Variants in SEMA3E observed in about 807,000 individuals in gnomAD.
SEMA3E encodes semaphorin 3E.
Under a neutral mutation model 93.6 loss-of-function variants are expected in SEMA3E, and 49 were observed. That is an observed-to-expected ratio of 0.52 (90% CI 0.42 to 0.66). SEMA3E has a LOEUF of 0.66. SEMA3E is among the 30% of genes least tolerant of loss of function. The probability of loss-of-function intolerance (pLI) is 0.00; values close to 1 mark genes in which losing one functional copy is unlikely to be tolerated. For synonymous variants in SEMA3E, 363 were observed against 330.7 expected (o/e 1.10, Z -1.06); for missense variants, 906 against 964.8 (o/e 0.94, Z 0.81).
In SEMA3E at chr7:83,434,064, G is replaced by T. The variant is rs553222821; in HGVS notation, c.457-15581C>A. Among the ~76,000 whole-genome samples, 67 of 151,972 alleles carry T rather than the reference G, an allele frequency of 4.4e-4. 1 individual carries two copies. The highest frequency in any genetic ancestry group is 1.5e-3 in the African/African-American group (61 of 41,472). ...ATTAGGTTGGTGCTAAATAACTGTAGTTTTACCATTACTTTTCATGGCAAA... is the reference window on the plus strand; with the variant it reads ...ATTAGGTTGGTGCTAAATAACTGTATTTTTACCATTACTTTTCATGGCAAA... On this transcript the variant is annotated intron_variant, in intron 4 of 16. Coordinates refer to ENST00000643230, the MANE Select transcript of SEMA3E (RefSeq NM_012431.3).
At chr7:83,517,331 C>G (rs1790950074) in intron 1 of SEMA3E, among the ~76,000 whole-genome samples, 1 of 152,116 alleles carries the variant, frequency 6.6e-6, no homozygotes, top group Non-Finnish European at 1.5e-5. Context: ...GAAGTACTGT[C>G]ACTTGGAGAG....
chr7:83,485,714 CAAG>C (rs907949338), intron 2 of SEMA3E, among the ~76,000 whole-genome samples: 1 of 151,546 alleles, frequency 6.6e-6, no homozygotes, highest in African/African-American at 2.4e-5. Flanking sequence ...AAAATGAAAA[CAAG>C]AAAGGGTAGT....
At chr7:83,372,414 T>C (rs1280193619) in intron 16 of SEMA3E, 22 of 395,454 alleles carry the variant, frequency 5.6e-5, no homozygotes, top group Non-Finnish European at 9.4e-5. Flanking sequence ...TTCCAGCATA[T>C]AGCAAGCAGT....
At chr7:83,505,778 T>G (rs183893979) in intron 1 of SEMA3E, among the ~76,000 whole-genome samples, 196 of 152,048 alleles carry the variant, frequency 1.3e-3, no homozygotes, top group Admixed American at 3.1e-3. Context: ...CACTTTGGGA[T>G]GCCAAGGGGG....
At chr7:83,627,628 C>CTTTTTTTTTTT (rs746550123) in intron 1 of SEMA3E, among the ~76,000 whole-genome samples, 71 of 65,342 alleles carry the variant, frequency 1.1e-3, no homozygotes, top group African/African-American at 1.5e-3. Flanking sequence ...GCAACCCCTG[C>CTTTTTTTTTTT]TTTTTTTTTT....
At chr7:83,460,067 A>G (rs983694133) in intron 4 of SEMA3E, among the ~76,000 whole-genome samples, 3 of 152,170 alleles carry the variant, frequency 2.0e-5, no homozygotes, top group African/African-American at 7.2e-5. Context: ...ATAAACAGCC[A>G]TGTTGCTCAC....
intron 1 of SEMA3E, among the ~76,000 whole-genome samples, chr7:83,526,052 A>G (rs1006481032): frequency 6.6e-6 from 1 of 151,986 alleles, no homozygotes; most frequent in Non-Finnish European, 1.5e-5. Flanking sequence ...GAGAGCTGCC[A>G]GCATTCTGAA....
intron 4 of SEMA3E, among the ~76,000 whole-genome samples, chr7:83,444,155 C>G (rs1318672126): frequency 1.3e-5 from 2 of 152,070 alleles, no homozygotes; most frequent in African/African-American, 4.8e-5. Flanking sequence ...TGTGTGATCT[C>G]AGTCTTGATG....
intron 1 of SEMA3E, among the ~76,000 whole-genome samples, chr7:83,608,629 G>A (rs551390301): frequency 2.0e-5 from 3 of 152,150 alleles, no homozygotes; most frequent in East Asian, 1.9e-4. Flanking sequence ...AAGATGATAA[G>A]TCAAAATTGT....
intron 5 of SEMA3E, among the ~76,000 whole-genome samples, chr7:83,412,111 C>T (rs1428155331): frequency 6.6e-6 from 1 of 152,118 alleles, no homozygotes; most frequent in African/African-American, 2.4e-5. Context: ...TTTATGTTCT[C>T]TCTGCTCTTT....
At chr7:83,397,117 A>C (rs1788138312) in intron 11 of SEMA3E, among the ~76,000 whole-genome samples, 1 of 152,006 alleles carries the variant, frequency 6.6e-6, no homozygotes, top group Non-Finnish European at 1.5e-5. Context: ...AAATTCAAAT[A>C]AAATTTGAAA....
intron 4 of SEMA3E, among the ~76,000 whole-genome samples, chr7:83,429,020 C>T (rs1004341637): frequency 2.0e-5 from 3 of 151,952 alleles, no homozygotes; most frequent in East Asian, 1.9e-4. Flanking sequence ...TATGTGTTTG[C>T]GTTGTTAGGT....
intron 1 of SEMA3E, among the ~76,000 whole-genome samples, chr7:83,543,410 C>A (rs750631854): frequency 6.6e-6 from 1 of 151,800 alleles, no homozygotes; most frequent in Non-Finnish European, 1.5e-5. Context: ...GTTGCAAGTA[C>A]CAAAATACTT....
At chr7:83,514,924 G>T (rs1790896363) in intron 1 of SEMA3E, among the ~76,000 whole-genome samples, 2 of 151,890 alleles carry the variant, frequency 1.3e-5, no homozygotes, top group Admixed American at 6.6e-5. Context: ...ATATATTTTA[G>T]CTACCTACAG....
intron 4 of SEMA3E, among the ~76,000 whole-genome samples, chr7:83,460,920 T>C (rs1467646910): frequency 1.3e-5 from 2 of 151,896 alleles, no homozygotes; most frequent in African/African-American, 2.4e-5. Flanking sequence ...TCCTTCACTA[T>C]AGGCAAGCTT....
chr7:83,544,449 C>A (rs114120365), intron 1 of SEMA3E, among the ~76,000 whole-genome samples: 5 of 152,052 alleles, frequency 3.3e-5, no homozygotes, highest in African/African-American at 1.2e-4. Flanking sequence ...AGAGATCCAA[C>A]TGGGGAGGCA....
chr7:83,591,985 C>T (rs781341892), intron 1 of SEMA3E, among the ~76,000 whole-genome samples: 6 of 151,918 alleles, frequency 3.9e-5, no homozygotes, highest in Non-Finnish European at 8.8e-5. Context: ...AAAAATACAA[C>T]CATAACATTG....
chr7:83,515,286 T>C (rs1790903462), intron 1 of SEMA3E, among the ~76,000 whole-genome samples: 1 of 116,828 alleles, frequency 8.6e-6, no homozygotes. Context: ...TAAATGACTT[T>C]TCTTATGAAA....
At chr7:83,448,478 T>C (rs1789284251) in intron 4 of SEMA3E, among the ~76,000 whole-genome samples, 1 of 152,126 alleles carries the variant, frequency 6.6e-6, no homozygotes. Flanking sequence ...TGCCACTATA[T>C]TGAAGTCTGG....
Sources: allele counts gnomAD v4.1 joint callset (sites outside exome capture counted in the v4.1 genomes callset), GRCh38; gene constraint gnomAD v4.1.1; transcripts MANE v1.5; gene names NCBI Gene and HGNC (gene_info 2026-07-23, HGNC 2026-07-21).